The following ZNF253 variants were observed in gnomAD, a reference collection of about 807,000 sequenced individuals.
ZNF253 encodes DNA-binding protein.
ZNF253 carries 8 observed loss-of-function variants against 11.9 expected under a neutral mutation model. That is an observed-to-expected ratio of 0.67 (90% CI 0.40 to 1.22). ZNF253 has a LOEUF of 1.22. ZNF253 is among the 50% of genes most tolerant of loss of function. ZNF253 has a pLI of 0.01. For synonymous variants in ZNF253, 194 were observed against 194.9 expected (o/e 1.00, Z 0.04); for missense variants, 485 against 586.9 (o/e 0.83, Z 1.79).
At chr19:19,866,272 G>C (rs181630727) in intron 1 of ZNF253, among the ~76,000 whole-genome samples, 115 of 152,260 alleles carry the variant, frequency 7.6e-4, no homozygotes, top group African/African-American at 2.5e-3. Context: ...CAAGGACCAC[G>C]GGAGGGTCGT....
At position 19,892,561 on chromosome 19, in the gene ZNF253, T is replaced by G. The variant is rs763806209; in HGVS notation, c.1314T>G (p.Thr438=). 2 of 1,608,388 alleles carry G rather than the reference T, an allele frequency of 1.2e-6. No individual in the cohort carries two copies. The highest frequency in any genetic ancestry group is 1.7e-6 in the Non-Finnish European group (2 of 1,178,128). Residue 438 remains threonine (T), a synonymous_variant, in exon 4 of 4, where the codon ACT becomes ACG. Transcript: ENST00000589717. ...ECGKSFTASS[T]LTTHKRIHTG... ...GCAAATCCTTTACTGCATCCTCAAC[T>G]CTAACTACACATAAGAGAATTCATA...
At chr19:19,890,238 T>C (rs4809005) in intron 3 of ZNF253, among the ~76,000 whole-genome samples, 22,889 of 152,202 alleles carry the variant, frequency 0.15, 2,028 homozygotes, top group East Asian at 0.41. Context: ...ATCGGCTTAT[T>C]CATATTTCTT....
intron 3 of ZNF253, among the ~76,000 whole-genome samples, chr19:19,882,534 C>G (rs1049632616): frequency 3.4e-4 from 51 of 152,078 alleles, no homozygotes; most frequent in African/African-American, 1.2e-3. Flanking sequence ...TTGCAAGGAG[C>G]TGGGATTACA....
chr19:19,884,925 A>G (rs1279009412), intron 3 of ZNF253, among the ~76,000 whole-genome samples: 3 of 152,020 alleles, frequency 2.0e-5, no homozygotes, highest in African/African-American at 7.3e-5. Flanking sequence ...GCATTTTCCA[A>G]TTTTGTGTAT....
chr19:19,886,546 C>A (rs1280638713), intron 3 of ZNF253, among the ~76,000 whole-genome samples: 2 of 152,282 alleles, frequency 1.3e-5, no homozygotes, highest in African/African-American at 4.8e-5. Context: ...CTTGGTATAT[C>A]CTCTTGGTAA....
At chr19:19,878,672 A>G (rs2063165564) in intron 2 of ZNF253, 65 bp downstream of exon 2, 3 of 1,530,700 alleles carry the variant, frequency 2.0e-6, no homozygotes, top group Non-Finnish European at 2.6e-6. Context: ...TTTTTTGTAG[A>G]ATGTTTGTTA....
At chr19:19,875,524 T>G (rs748288558) in intron 1 of ZNF253, among the ~76,000 whole-genome samples, 1 of 152,072 alleles carries the variant, frequency 6.6e-6, no homozygotes, top group Admixed American at 6.6e-5. Context: ...GCCTCCCAAG[T>G]AGCTGGAACT....
chr19:19,868,758 A>AC (rs1235746943), intron 1 of ZNF253, among the ~76,000 whole-genome samples: 1 of 151,972 alleles, frequency 6.6e-6, no homozygotes, highest in Non-Finnish European at 1.5e-5. Flanking sequence ...GGTGCAGCAA[A>AC]CCTTCATGGC....
chr19:19,869,909 G>A lies in ZNF253; in HGVS notation c.3+3910G>A, dbSNP rs548322307. Among the ~76,000 whole-genome samples the A allele has an allele frequency of 6.6e-5, 10 of 151,922 alleles. No individual in the cohort carries two copies. The East Asian group carries it at 1.9e-3, about 30-fold the overall frequency. ...TGGTCTCGAACTCCTGACCTCAGGTGATGCACCTGCTTCAGCCTCCAAAAG... is the reference window on the plus strand; with the variant it reads ...TGGTCTCGAACTCCTGACCTCAGGTAATGCACCTGCTTCAGCCTCCAAAAG... On this transcript the variant is annotated intron_variant, in intron 1 of 3. Coordinates refer to ENST00000589717, the MANE Select transcript of ZNF253 (RefSeq NM_021047.3).
chr19:19,890,825 C>T (rs2063225767), intron 3 of ZNF253, among the ~76,000 whole-genome samples: 1 of 133,728 alleles, frequency 7.5e-6, no homozygotes, highest in African/African-American at 2.8e-5. Context: ...GCCTGGCCAA[C>T]AATTTAATTT....
chr19:19,868,359 T>G (rs926931306), intron 1 of ZNF253, among the ~76,000 whole-genome samples: 1 of 152,038 alleles, frequency 6.6e-6, no homozygotes, highest in Non-Finnish European at 1.5e-5. Flanking sequence ...TAATCTTGAG[T>G]TGATTTTGTA....
At chr19:19,888,082 G>T (rs2063213738) in intron 3 of ZNF253, among the ~76,000 whole-genome samples, 1 of 151,598 alleles carries the variant, frequency 6.6e-6, no homozygotes, top group African/African-American at 2.4e-5. Flanking sequence ...TATTTATTTT[G>T]AGACGGAATC....
rs371760166 is a variant in ZNF253, at chr19:19,892,754, C to T, written c.*7C>T. ...TTTAATTAGCATAAGATAATTCATA[C>T]TGGAGAGAAACCCTATGAATGTGAT... On this transcript the variant is annotated 3_prime_UTR_variant, in exon 4 of 4. Coordinates refer to ENST00000589717, the MANE Select transcript of ZNF253 (RefSeq NM_021047.3). 22 of 1,574,642 alleles carry T rather than the reference C, an allele frequency of 1.4e-5. No homozygotes were observed. In the African/African-American group the frequency reaches 2.6e-4, roughly 18 times the overall value.
rs1487365136 is a variant in ZNF253, at chr19:19,885,313, T to C, written c.226+5167T>C. On this transcript the variant is annotated intron_variant, in intron 3 of 3. Coordinates refer to ENST00000589717, the MANE Select transcript of ZNF253 (RefSeq NM_021047.3). The stretch of plus-strand genomic sequence containing the variant: ...TTTCTCTTTCTTTTCTTTCTTTCTT[T>C]CTTTCTTTCTTTCTTTCTTTCTTTC... 3.4e-4 allele frequency among the ~76,000 whole-genome samples: 23 copies of C among 68,626 alleles called. 4 individuals carry two copies. Among genetic ancestry groups the C allele is most frequent in the African/African-American group, 3.2e-3 (22 of 6,954 alleles). 45.0% of individuals were successfully genotyped at this position (68,626 alleles called of 152,430 possible).
chr19:19,885,829 G>C lies in ZNF253; in HGVS notation c.227-5645G>C, dbSNP rs377753452. 1.4e-4 allele frequency among the ~76,000 whole-genome samples: 22 copies of C among 152,130 alleles called. No individual in the cohort carries two copies. The East Asian group carries it at 4.3e-3, about 29-fold the overall frequency. ...TACTGTAGCTTTTAACTGTTGTATT[G>C]ACATCTTTGAACAATGAAATTTTTT... On this transcript the variant is annotated intron_variant, in intron 3 of 3. Coordinates refer to ENST00000589717, the MANE Select transcript of ZNF253 (RefSeq NM_021047.3).
At chr19:19,885,338 CT>C (rs1568499239) in intron 3 of ZNF253, among the ~76,000 whole-genome samples, 11 of 66,074 alleles carry the variant, frequency 1.7e-4, no homozygotes, top group East Asian at 8.7e-4. Flanking sequence ...TTCTTTCTTT[CT>C]TTCTTTCTTT....
chr19:19,872,063 A>G (rs2145259120), intron 1 of ZNF253, among the ~76,000 whole-genome samples: 1 of 152,242 alleles, frequency 6.6e-6, no homozygotes, highest in East Asian at 1.9e-4. Flanking sequence ...AGTCACTTCT[A>G]GAGAGGCTAG....
In ZNF253 at chr19:19,893,069, C is replaced by T. The variant is rs905320843; in HGVS notation, c.*322C>T. On this transcript the variant is annotated 3_prime_UTR_variant, in exon 4 of 4. Coordinates refer to ENST00000589717, the MANE Select transcript of ZNF253 (RefSeq NM_021047.3). ...CTCCGTTCACTGCAATCTCTGCCTC[C>T]TGGGTTTAAGCCATTCTTCTGCCTC... is the stretch of plus-strand genomic sequence containing the variant. 1.7e-5 allele frequency: 4 copies of T among 237,272 alleles called. No individual in the cohort carries two copies. Among genetic ancestry groups the T allele is most frequent in the Non-Finnish European group, 2.4e-5 (3 of 123,394 alleles). 14.7% of individuals were successfully genotyped at this position (237,272 alleles called of 1,614,324 possible).
intron 3 of ZNF253, among the ~76,000 whole-genome samples, chr19:19,882,665 A>G (rs1422194800): frequency 6.6e-6 from 1 of 152,114 alleles, no homozygotes; most frequent in Non-Finnish European, 1.5e-5. Flanking sequence ...CTTTAAGTCA[A>G]TTTGAGGTTT....
Sources: gnomAD v4.1 joint callset for allele counts (sites outside exome capture counted in the v4.1 genomes callset) on GRCh38, gnomAD v4.1.1 for gene constraint, MANE v1.5 for transcripts, NCBI Gene and HGNC (gene_info 2026-07-23, HGNC 2026-07-21) for gene names.